Variants in SMAP2 observed in about 807,000 individuals in gnomAD.
SMAP2 encodes small ArfGAP2.
Under a neutral mutation model 56.4 loss-of-function variants are expected in SMAP2, and 25 were observed. The ratio of observed to expected loss-of-function variants is 0.44; its 90% confidence interval spans 0.32 to 0.62. The LOEUF is 0.62. Among genes scored for constraint, SMAP2 ranks in the 20% least tolerant of loss-of-function variants. The probability of loss-of-function intolerance (pLI) is 0.04; values close to 1 mark genes in which losing one functional copy is unlikely to be tolerated. For synonymous variants in SMAP2, 157 were observed against 181.7 expected (o/e 0.86, Z 1.09); for missense variants, 388 against 545.6 (o/e 0.71, Z 2.88).
At chr1:40,346,686 A>T (rs925763567) in intron 1 of SMAP2, among the ~76,000 whole-genome samples, 20 of 150,134 alleles carry the variant, frequency 1.3e-4, no homozygotes, top group African/African-American at 2.7e-4. Flanking sequence ...GTGATTTTTT[A>T]AAAAATCATT....
chr1:40,374,846 T>G lies in SMAP2; in HGVS notation c.103+623T>G. 6.5e-7 allele frequency: 1 copy of G among 1,536,052 alleles called. No homozygotes were observed. Among genetic ancestry groups the G allele is most frequent in the South Asian group, 1.2e-5 (1 of 82,208 alleles). Reference sequence around the variant, plus strand: ...GAAACTGCCTTATGCAGTGACACAGTGCGGATTTCTAGGCAGTGTAGCCCT... The same window carrying G: ...GAAACTGCCTTATGCAGTGACACAGGGCGGATTTCTAGGCAGTGTAGCCCT... On this transcript the variant is annotated intron_variant, in intron 1 of 9. Transcript: ENST00000372718. This position sits in a 1 kb window ranked among gnomAD's most constrained non-coding sequence, Gnocchi z 5.9.
At chr1:40,415,612 T>C (rs570279375) in intron 7 of SMAP2, among the ~76,000 whole-genome samples, 90 of 152,280 alleles carry the variant, frequency 5.9e-4, no homozygotes, top group Non-Finnish European at 1.1e-3. Flanking sequence ...CTCTGGAAAG[T>C]GTGTGATACT....
At position 40,358,066 on chromosome 1, in the gene SMAP2, G is replaced by A. The variant is rs574738770; in HGVS notation, c.-82-4234G>A. ...ATTTATTCTTCCAATCCATGAACAT[G>A]GAATACGTTTCCATTTTTTGTGTCA... On this transcript the variant is annotated intron_variant, in intron 1 of 6. Coordinates refer to the SMAP2 transcript ENST00000435168. Among the ~76,000 whole-genome samples the A allele has an allele frequency of 2.0e-5, 3 of 151,798 alleles. No individual in the cohort carries two copies. In the South Asian group the frequency reaches 6.3e-4, roughly 32 times the overall value.
intron 1 of SMAP2, among the ~76,000 whole-genome samples, chr1:40,359,323 G>A (rs919433167): frequency 5.3e-5 from 8 of 152,080 alleles, no homozygotes; most frequent in African/African-American, 1.9e-4. Context: ...GGCTGGTCTC[G>A]AACTCCTGAC....
chr1:40,388,027 C>G (rs1022393466), intron 1 of SMAP2, among the ~76,000 whole-genome samples: 1 of 152,178 alleles, frequency 6.6e-6, no homozygotes, highest in South Asian at 2.1e-4. Flanking sequence ...GCTGGGTCCC[C>G]CAGCAGTGCC....
intron 1 of SMAP2, among the ~76,000 whole-genome samples, chr1:40,389,283 A>T (rs1249562291): frequency 6.8e-6 from 1 of 146,946 alleles, no homozygotes; most frequent in Admixed American, 6.9e-5. Flanking sequence ...CATTAGTAGA[A>T]AGGAGGTAAC....
At chr1:40,358,388 C>CA (rs1644445997) in intron 1 of SMAP2, among the ~76,000 whole-genome samples, 1 of 151,892 alleles carries the variant, frequency 6.6e-6, no homozygotes, top group African/African-American at 2.4e-5. Context: ...GCTAAAAATA[C>CA]AAAAAATTAG....
rs1419364474 is a variant in SMAP2, at chr1:40,413,005, A to T, written c.403-11A>T. The T allele has an allele frequency of 6.3e-7, 1 of 1,599,734 alleles. No individual in the cohort carries two copies. The highest frequency in any genetic ancestry group is 1.7e-5 in the Admixed American group (1 of 58,140). On this transcript the variant is annotated splice_polypyrimidine_tract_variant and intron_variant, in intron 4 of 9. Transcript: ENST00000372718. ...GGGCCCTGTGTTCTTTGTCTTGTTA[A>T]ATCATTATAGAAAGAAAAAGATGAC...
rs1184733986 is a variant in SMAP2 at position 40,409,849 on chromosome 1, C to G, written c.402+14C>G. On this transcript the variant is annotated intron_variant, in intron 4 of 9. Coordinates refer to ENST00000372718, the MANE Select transcript of SMAP2 (RefSeq NM_022733.3). ...AATGCCTTTAGGGTTGGTTATACAT[C>G]TTTCAAGTTTTGTCCACAATAAGTA... 6.4e-7 allele frequency: 1 copy of G among 1,560,372 alleles called. No individual in the cohort carries two copies. Among genetic ancestry groups the G allele is most frequent in the Non-Finnish European group, 8.8e-7 (1 of 1,131,314 alleles).
intron 1 of SMAP2, among the ~76,000 whole-genome samples, chr1:40,390,039 A>G (rs555881954): frequency 1.3e-5 from 2 of 151,210 alleles, no homozygotes; most frequent in African/African-American, 4.9e-5. Flanking sequence ...TTTTGACCTC[A>G]TTGTGTTCTA....
At chr1:40,347,220 GTGTGTGTT>G (rs1644390047) in intron 1 of SMAP2, among the ~76,000 whole-genome samples, 1 of 138,122 alleles carries the variant, frequency 7.2e-6, no homozygotes, top group Non-Finnish European at 1.5e-5. Context: ...TTGTGTGTGT[GTGTGTGTT>G]TGTGTGTGTG....
rs751711651 is a variant in SMAP2, at chr1:40,374,725, C to T, written c.103+502C>T. On this transcript the variant is annotated intron_variant, in intron 1 of 9. Coordinates refer to ENST00000372718, the MANE Select transcript of SMAP2 (RefSeq NM_022733.3). This position sits in a 1 kb window ranked among gnomAD's most constrained non-coding sequence, Gnocchi z 5.9. ...TTTTTAAAGGTGGTGATTTTTGCTT[C>T]CTGCTATTTGGTTAGCAACTCCTGT... 3.2e-6 allele frequency: 5 copies of T among 1,550,320 alleles called. No homozygotes were observed. In the Middle Eastern group the frequency reaches 5.0e-4, roughly 155 times the overall value.
intron 1 of SMAP2, among the ~76,000 whole-genome samples, chr1:40,360,631 A>C (rs1307953390): frequency 1.3e-5 from 2 of 152,192 alleles, no homozygotes; most frequent in Non-Finnish European, 2.9e-5. Context: ...TGCTGATGGC[A>C]CTGCTCCCCC....
intron 1 of SMAP2, among the ~76,000 whole-genome samples, chr1:40,361,917 T>C (rs114232297): frequency 8.1e-4 from 124 of 152,254 alleles, no homozygotes; most frequent in African/African-American, 2.7e-3. Context: ...AGGATTCCAA[T>C]AGGAAGCCTG....
At chr1:40,361,928 T>G (rs1644461722) in intron 1 of SMAP2, among the ~76,000 whole-genome samples, 1 of 152,190 alleles carries the variant, frequency 6.6e-6, no homozygotes, top group South Asian at 2.1e-4. Context: ...AGGAAGCCTG[T>G]GGCCAATGCA....
intron 1 of SMAP2, among the ~76,000 whole-genome samples, chr1:40,387,149 G>A (rs209584): frequency 0.91 from 138,292 of 152,288 alleles, 63,047 homozygotes; most frequent in African/African-American, 0.98. Context: ...CACCATGCCC[G>A]GCCTTATTTT....
At chr1:40,401,529 A>G (rs1284767859) in intron 1 of SMAP2, among the ~76,000 whole-genome samples, 1 of 152,126 alleles carries the variant, frequency 6.6e-6, no homozygotes, top group Non-Finnish European at 1.5e-5. Context: ...CATAGATTAG[A>G]ACTCAATGAT....
At chr1:40,370,988 C>A (rs1644493873), upstream of SMAP2, among the ~76,000 whole-genome samples, 1 of 151,932 alleles carries the variant, frequency 6.6e-6, no homozygotes, top group Non-Finnish European at 1.5e-5. Flanking sequence ...TCCTGGCTAA[C>A]AGGGTGAAAC....
intron 1 of SMAP2, among the ~76,000 whole-genome samples, chr1:40,398,153 A>G (rs1644790962): frequency 6.6e-6 from 1 of 152,198 alleles, no homozygotes; most frequent in Non-Finnish European, 1.5e-5. Flanking sequence ...TAGATGTTTC[A>G]TTATCCCATT....
Sources: allele counts gnomAD v4.1 joint callset (sites outside exome capture counted in the v4.1 genomes callset), GRCh38; gene constraint gnomAD v4.1.1; non-coding constraint Gnocchi (gnomAD v3.1); transcripts MANE v1.5; gene names NCBI Gene and HGNC (gene_info 2026-07-23, HGNC 2026-07-21).